Variants in ZNF83 observed in about 807,000 individuals in gnomAD.
ZNF83 encodes zinc finger protein 816B.
For missense variants in ZNF83, 552 were observed against 629.9 expected, an observed-to-expected ratio of 0.88 and a Z score of 1.32; for synonymous variants, 209 against 213.0, an observed-to-expected ratio of 0.98 and a Z score of 0.17.
intron 2 of ZNF83, among the ~76,000 whole-genome samples, chr19:52,621,045 T>G (rs1005169119): frequency 3.3e-5 from 5 of 152,136 alleles, no homozygotes; most frequent in Non-Finnish European, 5.9e-5. Flanking sequence ...TGCACCCAGG[T>G]AAAATAAACA....
chr19:52,613,999 A>G, exon 3 of ZNF83: 1 of 1,610,928 alleles, frequency 6.2e-7, no homozygotes, highest in Non-Finnish European at 8.5e-7. Context: ...AAGGTGTGAA[A>G]TTTGATTAAA....
intron 1 of ZNF83, among the ~76,000 whole-genome samples, chr19:52,680,802 C>A (rs989755076): frequency 6.7e-6 from 1 of 148,348 alleles, no homozygotes; most frequent in South Asian, 2.1e-4. Context: ...TTAGTAGAGA[C>A]GGGGTTTCAC....
chr19:52,647,831 T>A lies in ZNF83; in HGVS notation c.-74+7730A>T, dbSNP rs192636793. ...GTCTTTCAATCATCCTCAATCTCCA[T>A]ATATTTCCACCTCTTCTCCCATCTC... On this transcript the variant is annotated intron_variant, in intron 3 of 5. Transcript: ENST00000594682. 7.5e-4 allele frequency among the ~76,000 whole-genome samples: 114 copies of A among 151,812 alleles called. No individual in the cohort carries two copies. In the East Asian group the frequency reaches 0.018, roughly 25 times the overall value.
At chr19:52,649,241 G>A (rs751363137) in intron 3 of ZNF83, among the ~76,000 whole-genome samples, 28 of 152,122 alleles carry the variant, frequency 1.8e-4, no homozygotes, top group Admixed American at 3.3e-4. Flanking sequence ...AATCCCCCAC[G>A]TGAGTTTGTG....
intron 1 of ZNF83, among the ~76,000 whole-genome samples, chr19:52,669,475 C>T (rs1244620888): frequency 6.6e-6 from 1 of 152,158 alleles, no homozygotes; most frequent in Non-Finnish European, 1.5e-5. Context: ...TTAGGGGCTA[C>T]CAGCCAGATG....
chr19:52,644,824 C>A (rs895755044), intron 3 of ZNF83, among the ~76,000 whole-genome samples: 2 of 151,972 alleles, frequency 1.3e-5, no homozygotes, highest in Non-Finnish European at 2.9e-5. Flanking sequence ...GCCTGGCCAA[C>A]ATGGTGAAAC....
At chr19:52,644,042 C>A (rs1197148780) in intron 3 of ZNF83, among the ~76,000 whole-genome samples, 1 of 152,110 alleles carries the variant, frequency 6.6e-6, no homozygotes, top group Non-Finnish European at 1.5e-5. Context: ...TCCTGGGGAA[C>A]ACGGGAAGCT....
At chr19:52,688,789 C>A (rs1399010858) in intron 1 of ZNF83, among the ~76,000 whole-genome samples, 1 of 151,924 alleles carries the variant, frequency 6.6e-6, no homozygotes, top group Non-Finnish European at 1.5e-5. Context: ...AGCTAAGGCC[C>A]ACAATGTGGC....
chr19:52,660,774 C>T, exon 2 of ZNF83: 1 of 214,094 alleles, frequency 4.7e-6, no homozygotes, highest in African/African-American at 2.3e-5. Flanking sequence ...GAGGAAGAGC[C>T]ATCCTTGTCT....
At chr19:52,687,762 C>T (rs116611019) in intron 1 of ZNF83, among the ~76,000 whole-genome samples, 1,644 of 146,168 alleles carry the variant, frequency 0.011, 35 homozygotes, top group African/African-American at 0.039. Flanking sequence ...GGGGCCAAGG[C>T]TGCAGTTAGA....
rs761086731 is a variant in ZNF83, at chr19:52,618,984, G to A, written c.-233-4187C>T. ...TTCTCCAACATCACATCTCTGTATA[G>A]AGTCCTCTGAGCAGGGTCCAGGCAT... On this transcript the variant is annotated intron_variant, in intron 2 of 2. Coordinates refer to ENST00000301096, the Ensembl canonical transcript of ZNF83. The A allele has an allele frequency of 8.3e-6, 13 of 1,565,420 alleles. 1 individual carries two copies. Among genetic ancestry groups the A allele is most frequent in the South Asian group, 5.5e-5 (5 of 90,178 alleles).
intron 1 of ZNF83, among the ~76,000 whole-genome samples, chr19:52,686,335 A>G (rs75806835): frequency 0.012 from 1,770 of 152,190 alleles, 23 homozygotes; most frequent in Non-Finnish European, 0.018. Flanking sequence ...ATATACATGT[A>G]CAGAAAGGAA....
intron 2 of ZNF83, among the ~76,000 whole-genome samples, chr19:52,627,701 G>A (rs560907878): frequency 6.6e-6 from 1 of 152,240 alleles, no homozygotes; most frequent in South Asian, 2.1e-4. Context: ...TCAAGGTGAT[G>A]AACTACTCTG....
chr19:52,670,830 A>G (rs948242199), intron 1 of ZNF83, among the ~76,000 whole-genome samples: 1 of 152,212 alleles, frequency 6.6e-6, no homozygotes, highest in African/African-American at 2.4e-5. Flanking sequence ...GTAAATTTAA[A>G]CATTTTCTGA....
At chr19:52,676,327 A>G (rs8104438) in intron 1 of ZNF83, among the ~76,000 whole-genome samples, 32,497 of 151,636 alleles carry the variant, frequency 0.21, 3,624 homozygotes, top group Non-Finnish European at 0.24. Context: ...ATCTCGGCTC[A>G]CTACAACCTC....
At chr19:52,683,746 G>A (rs1340194430) in intron 1 of ZNF83, among the ~76,000 whole-genome samples, 1 of 152,140 alleles carries the variant, frequency 6.6e-6, no homozygotes, top group Non-Finnish European at 1.5e-5. Context: ...AGGAAGTTTA[G>A]ATCAATTAGA....
exon 3 of ZNF83, chr19:52,613,553 T>C (rs748287331): frequency 1.9e-6 from 3 of 1,614,132 alleles, no homozygotes; most frequent in Non-Finnish European, 2.5e-6. Context: ...CCAGTGTGGA[T>C]TCTCCAGTGA....
At chr19:52,654,359 C>T (rs571124292) in intron 3 of ZNF83, 17 of 1,295,658 alleles carry the variant, frequency 1.3e-5, no homozygotes, top group South Asian at 8.8e-5. Context: ...CCTGTATTAC[C>T]GTGCCCTGTT....
At chr19:52,670,681 A>G (rs2061713149) in intron 1 of ZNF83, among the ~76,000 whole-genome samples, 1 of 152,180 alleles carries the variant, frequency 6.6e-6, no homozygotes, top group Non-Finnish European at 1.5e-5. Context: ...TCCTGAGAAC[A>G]TATGTCCAAG....
Sources: allele counts gnomAD v4.1 joint callset (sites outside exome capture counted in the v4.1 genomes callset), GRCh38; gene constraint gnomAD v4.1.1; transcripts MANE v1.5; gene names NCBI Gene and HGNC (gene_info 2026-07-23, HGNC 2026-07-21).